PTPRE: variants seen among roughly 807,000 people sequenced by gnomAD.
PTPRE encodes protein tyrosine phosphatase receptor type E, also known as receptor-type tyrosine-protein phosphatase epsilon.
A neutral mutation model predicts 102.0 loss-of-function variants in PTPRE; 51 were observed. That is an observed-to-expected ratio of 0.50 (90% CI 0.40 to 0.63). PTPRE has a LOEUF of 0.63. Among genes scored for constraint, PTPRE ranks in the 30% least tolerant of loss-of-function variants. The pLI, the probability that PTPRE is intolerant of heterozygous loss-of-function variation, is 0.00. For missense variants in PTPRE, 752 were observed against 915.1 expected, an observed-to-expected ratio of 0.82 and a Z score of 2.30; for synonymous variants, 345 against 348.2, an observed-to-expected ratio of 0.99 and a Z score of 0.10.
intron 1 of PTPRE, among the ~76,000 whole-genome samples, chr10:127,941,393 C>G (rs73376118): frequency 0.022 from 3,314 of 152,268 alleles, 129 homozygotes; most frequent in African/African-American, 0.076. Context: ...AAGAGTCAGG[C>G]AGGTGTCATC....
rs1158429997 is a variant in PTPRE, at chr10:128,070,253, GAC to G, written c.1144-47_1144-46del. On this transcript the variant is annotated intron_variant, in intron 13 of 20. Coordinates refer to ENST00000254667, the MANE Select transcript of PTPRE (RefSeq NM_006504.6). This position sits in a 1 kb window ranked among gnomAD's most constrained non-coding sequence, Gnocchi z 4.8. ...GTCTGCCAAGCTCCACGTGGGCCAA[GAC>G]TGCAGGGCAGAGTTGAGGGTGTGGG... 1.3e-6 allele frequency: 2 copies of G among 1,548,922 alleles called. No individual in the cohort carries two copies. The highest frequency in any genetic ancestry group is 2.5e-5 in the South Asian group (2 of 80,890).
intron 2 of PTPRE, among the ~76,000 whole-genome samples, chr10:128,001,272 T>C (rs903181494): frequency 6.6e-6 from 1 of 152,122 alleles, no homozygotes; most frequent in African/African-American, 2.4e-5. Flanking sequence ...GGAATGCATT[T>C]ATAGAAGTGG....
chr10:128,023,033 T>C (rs1034834132), intron 2 of PTPRE, among the ~76,000 whole-genome samples: 9 of 152,216 alleles, frequency 5.9e-5, no homozygotes, highest in African/African-American at 1.9e-4. Flanking sequence ...CGTCCGTGGT[T>C]CCACTTCCAC....
rs531768237 is a variant in PTPRE at position 128,009,749 on chromosome 10, C to A, written c.-8+27453C>A. Among the ~76,000 whole-genome samples, 8 of 152,342 alleles carry A rather than the reference C, an allele frequency of 5.3e-5. 1 individual carries two copies. In the South Asian group the frequency reaches 1.0e-3, roughly 20 times the overall value. On this transcript the variant is annotated intron_variant, in intron 2 of 20. Coordinates refer to ENST00000254667, the MANE Select transcript of PTPRE (RefSeq NM_006504.6). Reference sequence around the variant, plus strand: ...TTAGGTTTTAAAACTTGGGCTTTCCCAGCTCCTTCATTGTTTAAATATCAC... The same window carrying A: ...TTAGGTTTTAAAACTTGGGCTTTCCAAGCTCCTTCATTGTTTAAATATCAC...
chr10:128,017,308 A>G (rs1451877939), intron 2 of PTPRE, among the ~76,000 whole-genome samples: 2 of 152,154 alleles, frequency 1.3e-5, no homozygotes, highest in Non-Finnish European at 2.9e-5. Flanking sequence ...TGAGAGCTAT[A>G]GAAATTGGAG....
rs548651713 is a variant in PTPRE, at chr10:128,048,030, C to T, written c.283+193C>T. Among the ~76,000 whole-genome samples, 31 of 152,272 alleles carry T rather than the reference C, an allele frequency of 2.0e-4. No individual in the cohort carries two copies. In the South Asian group the frequency reaches 2.1e-3, roughly 10 times the overall value. ...AAAACTTTAAGGATCATTTTTCTCTCGGGTGTGACATGGACGTTTGAGACA... is the reference window on the plus strand; with the variant it reads ...AAAACTTTAAGGATCATTTTTCTCTTGGGTGTGACATGGACGTTTGAGACA... On this transcript the variant is annotated intron_variant, in intron 5 of 20. Coordinates refer to ENST00000254667, the MANE Select transcript of PTPRE (RefSeq NM_006504.6).
intron 3 of PTPRE, among the ~76,000 whole-genome samples, chr10:128,042,163 G>T (rs1400485806): frequency 2.0e-5 from 3 of 152,112 alleles, no homozygotes; most frequent in Non-Finnish European, 4.4e-5. Context: ...CCACAATCCC[G>T]ACTTTTCTTC....
chr10:127,968,886 G>A (rs780479751), intron 1 of PTPRE, among the ~76,000 whole-genome samples: 1 of 152,196 alleles, frequency 6.6e-6, no homozygotes, highest in Non-Finnish European at 1.5e-5. Context: ...AAGCTTCCTA[G>A]CTGACAAGGC....
At chr10:127,926,969 AC>A (rs1847067907) in intron 1 of PTPRE, among the ~76,000 whole-genome samples, 1 of 151,426 alleles carries the variant, frequency 6.6e-6, no homozygotes, top group African/African-American at 2.4e-5. Context: ...GCACCACCAC[AC>A]CTGACTAATT....
Position 128,070,940 on chromosome 10 carries a change from G to T in PTPRE, c.1387+39G>T, listed in dbSNP as rs149235539. 8,393 of 1,576,404 alleles carry T rather than the reference G, an allele frequency of 5.3e-3. 62 individuals carry two copies. Among genetic ancestry groups the T allele is most frequent in the Middle Eastern group, 0.037 (213 of 5,728 alleles). ...GGCGTGGCTTGGGCAGGGCTGGGGC[G>T]GGGCTGGTGCCGGAGGCTTTCATCC... On this transcript the variant is annotated intron_variant, in intron 15 of 20. Transcript: ENST00000254667. This position sits in a 1 kb window ranked among gnomAD's most constrained non-coding sequence, Gnocchi z 4.8.
At chr10:128,063,022 T>C in intron 9 of PTPRE, 61 bp from the exon 10 acceptor site, 1 of 1,603,664 alleles carries the variant, frequency 6.2e-7, no homozygotes, top group Non-Finnish European at 8.5e-7. Flanking sequence ...GTGCCGGGGC[T>C]GGGACCCCAA....
chr10:127,915,705 A>G (rs1044344547), intron 1 of PTPRE, among the ~76,000 whole-genome samples: 130 of 152,270 alleles, frequency 8.5e-4, no homozygotes, highest in Non-Finnish European at 1.1e-3. Context: ...TTCAAAGGAT[A>G]TTTTTTGGTT....
chr10:127,963,293 T>C (rs1263647475), intron 1 of PTPRE, among the ~76,000 whole-genome samples: 1 of 152,182 alleles, frequency 6.6e-6, no homozygotes, highest in African/African-American at 2.4e-5. Context: ...TGCATCTCAC[T>C]AACTCCCATT....
intron 1 of PTPRE, among the ~76,000 whole-genome samples, chr10:127,981,901 G>A (rs1250704872): frequency 6.6e-6 from 1 of 152,146 alleles, no homozygotes; most frequent in Non-Finnish European, 1.5e-5. Context: ...AAAGTGAGCT[G>A]CCCCAGACCA....
At chr10:127,949,695 T>C (rs61873688) in intron 1 of PTPRE, among the ~76,000 whole-genome samples, 9,102 of 152,220 alleles carry the variant, frequency 0.06, 410 homozygotes, top group Non-Finnish European at 0.09. Flanking sequence ...GACCTGAGTT[T>C]CTACATGTGC....
intron 20 of PTPRE, among the ~76,000 whole-genome samples, chr10:128,080,005 G>A (rs746291251): frequency 6.6e-6 from 1 of 152,190 alleles, no homozygotes; most frequent in East Asian, 1.9e-4. Context: ...TTCTACGAGA[G>A]TCCTGTGTGC....
intron 2 of PTPRE, among the ~76,000 whole-genome samples, chr10:127,995,387 A>T (rs995037718): frequency 6.6e-6 from 1 of 152,138 alleles, no homozygotes; most frequent in Non-Finnish European, 1.5e-5. Flanking sequence ...GTTTTCTTCC[A>T]TCCGCGTCCC....
chr10:127,909,206 T>C (rs1845695785), intron 1 of PTPRE, among the ~76,000 whole-genome samples: 3 of 152,150 alleles, frequency 2.0e-5, no homozygotes, highest in Admixed American at 1.3e-4. Flanking sequence ...TGCAAACCAT[T>C]GCCCCTGAGA....
chr10:127,969,838 C>A (rs745343542), intron 1 of PTPRE, among the ~76,000 whole-genome samples: 14 of 152,246 alleles, frequency 9.2e-5, no homozygotes, highest in Admixed American at 2.6e-4. Context: ...CTGGCACGTG[C>A]CTCCGGCACT....
Sources: allele counts gnomAD v4.1 joint callset (sites outside exome capture counted in the v4.1 genomes callset), GRCh38; gene constraint gnomAD v4.1.1; non-coding constraint Gnocchi (gnomAD v3.1); transcripts MANE v1.5; gene names NCBI Gene and HGNC (gene_info 2026-07-23, HGNC 2026-07-21).